Variants in CSMD1 observed in about 807,000 individuals in gnomAD.
CSMD1 encodes the protein CUB and Sushi multiple domains 1, also known as CUB and sushi domain-containing protein 1.
Under a neutral mutation model 417.5 loss-of-function variants are expected in CSMD1, and 213 were observed. The observed-to-expected ratio is 0.51, with a 90% confidence interval of 0.46 to 0.57. The LOEUF (loss-of-function observed/expected upper bound fraction) is 0.57. Among genes scored for constraint, CSMD1 ranks in the 20% least tolerant of loss-of-function variants. The pLI is 0.00. For missense variants in CSMD1, 6,923 were observed against 4,529.7 expected (o/e 1.53, Z -15.17); for synonymous variants, 2,862 against 1,736.8 (o/e 1.65, Z -16.11).
chr8:4,092,337 C>T (rs1800764694), intron 3 of CSMD1, among the ~76,000 whole-genome samples: 1 of 152,126 alleles, frequency 6.6e-6, no homozygotes, highest in Non-Finnish European at 1.5e-5. Context: ...TCTGATGCTC[C>T]AGGAGAATCA....
At position 3,546,862 on chromosome 8, in the gene CSMD1, T is replaced by A. The variant is rs138151562; in HGVS notation, c.1344+28083A>T. On this transcript the variant is annotated intron_variant, in intron 10 of 69. Transcript: ENST00000635120. Reference sequence around the variant, plus strand: ...TGAAATGAAAGGGAAGGTGAAATATTGGAAAAACGATGTTGCAAGGGAAAC... The same window carrying A: ...TGAAATGAAAGGGAAGGTGAAATATAGGAAAAACGATGTTGCAAGGGAAAC... 2.9e-3 allele frequency among the ~76,000 whole-genome samples: 447 copies of A among 152,290 alleles called. 7 individuals carry two copies. Among genetic ancestry groups the A allele is most frequent in the Admixed American group, 0.022 (331 of 15,304 alleles).
intron 2 of CSMD1, among the ~76,000 whole-genome samples, chr8:4,595,387 C>CTTTTTTTTTTTTTTTTTTTTTTT: frequency 7.5e-5 from 11 of 147,400 alleles, no homozygotes; most frequent in South Asian, 2.2e-4. Flanking sequence ...CATTCATTTT[C>CTTTTTTTTTTTTTTTTTTTTTTT]ATTCCATCCA....
intron 62 of CSMD1, among the ~76,000 whole-genome samples, chr8:2,959,163 T>C (rs1471956797): frequency 6.6e-6 from 1 of 152,214 alleles, no homozygotes; most frequent in Non-Finnish European, 1.5e-5. Context: ...TACAGCACAG[T>C]GGTGCAATCA....
intron 10 of CSMD1, among the ~76,000 whole-genome samples, chr8:3,571,971 A>G (rs1799963015): frequency 1.3e-5 from 2 of 152,156 alleles, no homozygotes. Context: ...GGATCCCCCT[A>G]AAGCGCAGCC....
At chr8:4,161,220 C>T (rs1584934422) in intron 3 of CSMD1, among the ~76,000 whole-genome samples, 2 of 152,218 alleles carry the variant, frequency 1.3e-5, no homozygotes, top group South Asian at 2.1e-4. Context: ...CATGAACAAC[C>T]CTCTAAAGCA....
chr8:4,275,617 A>C (rs142511662), intron 3 of CSMD1, among the ~76,000 whole-genome samples: 65 of 152,292 alleles, frequency 4.3e-4, no homozygotes, highest in African/African-American at 1.5e-3. Flanking sequence ...ACCTCAGCAT[A>C]CAAAAATTCA....
At chr8:4,979,898 C>T (rs889814579) in intron 1 of CSMD1, among the ~76,000 whole-genome samples, 2 of 149,786 alleles carry the variant, frequency 1.3e-5, no homozygotes, top group Admixed American at 6.6e-5. Flanking sequence ...ATTAGCCAGG[C>T]GTGAAGGTGG....
intron 5 of CSMD1, among the ~76,000 whole-genome samples, chr8:3,994,217 C>G (rs1186130577): frequency 6.6e-6 from 1 of 151,596 alleles, no homozygotes; most frequent in Non-Finnish European, 1.5e-5. Flanking sequence ...TACACATTCC[C>G]TGTCACAGAA....
chr8:3,542,454 C>A (rs1446666324), intron 10 of CSMD1, among the ~76,000 whole-genome samples: 3 of 152,204 alleles, frequency 2.0e-5, no homozygotes, highest in South Asian at 2.1e-4. Flanking sequence ...ATGAAACTGA[C>A]AGTCTCTGAC....
At chr8:3,556,945 C>T (rs539455473) in intron 10 of CSMD1, among the ~76,000 whole-genome samples, 3 of 152,228 alleles carry the variant, frequency 2.0e-5, no homozygotes, top group East Asian at 1.9e-4. Flanking sequence ...CACATAAAGC[C>T]TCACTTAGAG....
chr8:3,969,931 T>A (rs1278631609), intron 5 of CSMD1, among the ~76,000 whole-genome samples: 2 of 152,214 alleles, frequency 1.3e-5, no homozygotes, highest in African/African-American at 4.8e-5. Flanking sequence ...ATCCCTCATT[T>A]TATTTAAACA....
chr8:3,611,112 C>T (rs2469327), intron 8 of CSMD1, among the ~76,000 whole-genome samples: 1 of 149,182 alleles, frequency 6.7e-6, no homozygotes, highest in Non-Finnish European at 1.5e-5. Flanking sequence ...GGGATAGCAT[C>T]GGGAGATATA....
At chr8:3,329,150 G>A (rs572190677) in intron 23 of CSMD1, among the ~76,000 whole-genome samples, 1 of 152,124 alleles carries the variant, frequency 6.6e-6, no homozygotes. Flanking sequence ...TTGAAGGAGA[G>A]AGGCGATGCC....
intron 5 of CSMD1, among the ~76,000 whole-genome samples, chr8:3,915,265 G>A (rs184063849): frequency 6.6e-6 from 1 of 152,010 alleles, no homozygotes; most frequent in East Asian, 1.9e-4. Context: ...AATTATCTGG[G>A]CATGGTAGTG....
rs972610041 is a variant in CSMD1 at position 3,006,555 on chromosome 8, G to A, written c.8030-6424C>T. ...AGGCTACAGTAACCAAAACAGCATGGTACTGGTACCAAAGCAGAGATATAG... is the reference window on the plus strand; with the variant it reads ...AGGCTACAGTAACCAAAACAGCATGATACTGGTACCAAAGCAGAGATATAG... On this transcript the variant is annotated intron_variant, in intron 52 of 69. Coordinates refer to ENST00000635120, the MANE Select transcript of CSMD1 (RefSeq NM_033225.6). Among the ~76,000 whole-genome samples, 47 of 152,050 alleles carry A rather than the reference G, an allele frequency of 3.1e-4. 1 individual carries two copies. The highest frequency in any genetic ancestry group is 2.4e-3 in the Admixed American group (36 of 15,274).
At chr8:3,525,726 G>C (rs1444349875) in intron 10 of CSMD1, among the ~76,000 whole-genome samples, 2 of 152,126 alleles carry the variant, frequency 1.3e-5, no homozygotes, top group Non-Finnish European at 2.9e-5. Context: ...TTAACACCTA[G>C]TTGTCGCAAT....
At chr8:3,742,356 G>C (rs1479118820) in intron 6 of CSMD1, among the ~76,000 whole-genome samples, 1 of 152,076 alleles carries the variant, frequency 6.6e-6, no homozygotes, top group African/African-American at 2.4e-5. Context: ...TTTCAGTGGC[G>C]AATCTGACCC....
At chr8:4,008,703 CG>C (rs1816325124) in intron 4 of CSMD1, among the ~76,000 whole-genome samples, 1 of 146,168 alleles carries the variant, frequency 6.8e-6, no homozygotes, top group Non-Finnish European at 1.5e-5. Flanking sequence ...CTCCCCATCC[CG>C]GGTTCACATC....
intron 3 of CSMD1, among the ~76,000 whole-genome samples, chr8:4,379,221 T>C (rs1595468): frequency 0.37 from 56,944 of 152,018 alleles, 11,845 homozygotes; most frequent in Non-Finnish European, 0.47. Context: ...AACCAAATTA[T>C]GGGAAAATAT....
Sources: gnomAD v4.1 joint callset for allele counts (sites outside exome capture counted in the v4.1 genomes callset) on GRCh38, gnomAD v4.1.1 for gene constraint, MANE v1.5 for transcripts, NCBI Gene and HGNC (gene_info 2026-07-23, HGNC 2026-07-21) for gene names.